Variants in NCAM2 observed in about 807,000 individuals in gnomAD.
The protein encoded by NCAM2 is N-CAM-2.
A neutral mutation model predicts 98.1 loss-of-function variants in NCAM2; 30 were observed. That is an observed-to-expected ratio of 0.31 (90% confidence interval 0.23 to 0.41). NCAM2 has a LOEUF of 0.41. Among genes scored for constraint, NCAM2 ranks in the 10% least tolerant of loss-of-function variants. The pLI, the probability that NCAM2 is intolerant of heterozygous loss-of-function variation, is 1.00. For synonymous variants in NCAM2, 368 were observed against 342.4 expected (o/e 1.07, Z -0.83); for missense variants, 867 against 1,005.8 (o/e 0.86, Z 1.87).
At chr21:21,201,966 T>G (rs1373375660) in intron 1 of NCAM2, among the ~76,000 whole-genome samples, 2 of 152,160 alleles carry the variant, frequency 1.3e-5, no homozygotes, top group African/African-American at 4.8e-5. Context: ...TATCCCAAAC[T>G]TGAGAATCAG....
At chr21:21,285,719 C>G (rs1272625249) in intron 3 of NCAM2, among the ~76,000 whole-genome samples, 2 of 151,860 alleles carry the variant, frequency 1.3e-5, no homozygotes, top group Non-Finnish European at 2.9e-5. Flanking sequence ...TGTGTATCCA[C>G]TATAATTCTG....
chr21:21,278,189 AT>A (rs958980010), intron 1 of NCAM2, among the ~76,000 whole-genome samples: 3 of 151,886 alleles, frequency 2.0e-5, no homozygotes, highest in African/African-American at 7.3e-5. Flanking sequence ...CTTGTAATAT[AT>A]TTTCTGCTTC....
intron 1 of NCAM2, among the ~76,000 whole-genome samples, chr21:21,215,125 T>C (rs1404557566): frequency 6.6e-6 from 1 of 152,060 alleles, no homozygotes; most frequent in Non-Finnish European, 1.5e-5. Flanking sequence ...AAAATTGTGA[T>C]AATGGAAATA....
At chr21:21,040,557 A>G (rs1337455859) in intron 1 of NCAM2, among the ~76,000 whole-genome samples, 1 of 152,126 alleles carries the variant, frequency 6.6e-6, no homozygotes, top group African/African-American at 2.4e-5. Context: ...TCAGTAGATG[A>G]ACAGAAAATA....
chr21:21,440,576 G>C (rs1280807891), intron 12 of NCAM2, among the ~76,000 whole-genome samples: 1 of 152,008 alleles, frequency 6.6e-6, no homozygotes, highest in Non-Finnish European at 1.5e-5. Context: ...AGCTACTCTG[G>C]AGGCTGAGAT....
chr21:21,365,671 A>G (rs893068774), intron 8 of NCAM2, among the ~76,000 whole-genome samples: 2 of 152,006 alleles, frequency 1.3e-5, no homozygotes, highest in Admixed American at 1.3e-4. Context: ...CTGCATATGT[A>G]TTTAGAAGAT....
intron 1 of NCAM2, among the ~76,000 whole-genome samples, chr21:21,254,848 CAGATGTTACATACGTTATTTCT>C (rs1160845770): frequency 6.6e-6 from 1 of 151,664 alleles, no homozygotes; most frequent in African/African-American, 2.4e-5. Context: ...TGAATACAGG[CAGATGTTACATACGTTATTTCT>C]AACAATATGT....
intron 1 of NCAM2, among the ~76,000 whole-genome samples, chr21:21,094,095 G>A (rs7509909): frequency 0.39 from 58,976 of 151,618 alleles, 13,941 homozygotes; most frequent in African/African-American, 0.67. Context: ...CACAAATTGT[G>A]TACTTAATCT....
chr21:21,184,877 G>A (rs1028045622), intron 1 of NCAM2, among the ~76,000 whole-genome samples: 3 of 152,048 alleles, frequency 2.0e-5, no homozygotes, highest in Non-Finnish European at 4.4e-5. Flanking sequence ...TGTCATTTTA[G>A]CACTTCTGCA....
At chr21:21,280,708 A>G in intron 2 of NCAM2, 56 bp downstream of exon 2, 2 of 1,135,586 alleles carry the variant, frequency 1.8e-6, no homozygotes, top group East Asian at 5.3e-5. Flanking sequence ...AATATTAATA[A>G]AATGTGTTGG....
At chr21:21,405,102 A>T (rs1040196724) in intron 9 of NCAM2, among the ~76,000 whole-genome samples, 1 of 151,954 alleles carries the variant, frequency 6.6e-6, no homozygotes, top group African/African-American at 2.4e-5. Context: ...CAAATATATT[A>T]TTATTATACT....
At chr21:21,534,698 G>A (rs972128783) in intron 17 of NCAM2, 42 bp downstream of exon 17, 10 of 1,458,800 alleles carry the variant, frequency 6.9e-6, no homozygotes, top group Middle Eastern at 1.8e-4. Flanking sequence ...AATGGGTATT[G>A]GCAAAATGAT....
chr21:21,455,210 CAAAAAAAA>C (rs5842926), intron 12 of NCAM2, among the ~76,000 whole-genome samples: 2 of 95,458 alleles, frequency 2.1e-5, no homozygotes, highest in Non-Finnish European at 4.1e-5. Context: ...AACCTATTGG[CAAAAAAAA>C]AAAAAAAAAA....
chr21:21,435,105 A>G (rs2077439383), intron 12 of NCAM2, among the ~76,000 whole-genome samples: 1 of 152,068 alleles, frequency 6.6e-6, no homozygotes, highest in Non-Finnish European at 1.5e-5. Context: ...ACCTTTCCTC[A>G]CCCTTTACTT....
At chr21:21,120,746 GTC>G (rs2066656515) in intron 1 of NCAM2, among the ~76,000 whole-genome samples, 2 of 147,104 alleles carry the variant, frequency 1.4e-5, no homozygotes, top group Non-Finnish European at 3.0e-5. Context: ...TTGAGATGGA[GTC>G]TCTCTCTGTC....
At chr21:21,071,922 T>TCTAC (rs1568991567) in intron 1 of NCAM2, among the ~76,000 whole-genome samples, 2 of 142,378 alleles carry the variant, frequency 1.4e-5, no homozygotes, top group African/African-American at 5.9e-5. Flanking sequence ...TATCTATCTA[T>TCTAC]ATTTTTTTGA....
At chr21:21,002,318 T>C (rs2064033816) in intron 1 of NCAM2, among the ~76,000 whole-genome samples, 1 of 152,076 alleles carries the variant, frequency 6.6e-6, no homozygotes, top group Non-Finnish European at 1.5e-5. Flanking sequence ...GGAGCTAATT[T>C]TCTCCCCGAG....
At chr21:21,499,887 G>A (rs907003116) in intron 15 of NCAM2, among the ~76,000 whole-genome samples, 2 of 151,958 alleles carry the variant, frequency 1.3e-5, no homozygotes, top group African/African-American at 4.8e-5. Context: ...ACCACAAAAT[G>A]GGTGAAAAAT....
chr21:21,299,185 AT>A (rs1226371196), intron 5 of NCAM2, among the ~76,000 whole-genome samples: 3 of 151,692 alleles, frequency 2.0e-5, no homozygotes, highest in African/African-American at 7.3e-5. Flanking sequence ...TTGGAGAGAC[AT>A]TCATGGGTCC....
Sources: gnomAD v4.1 joint callset for allele counts (sites outside exome capture counted in the v4.1 genomes callset) on GRCh38, gnomAD v4.1.1 for gene constraint, MANE v1.5 for transcripts, NCBI Gene and HGNC (gene_info 2026-07-23, HGNC 2026-07-21) for gene names.